The following PTK2 variants were observed in gnomAD, a reference collection of about 807,000 sequenced individuals.
PTK2 encodes focal adhesion kinase 1.
A neutral mutation model predicts 150.1 loss-of-function variants in PTK2; 45 were observed. The ratio of observed to expected loss-of-function variants is 0.30; its 90% confidence interval spans 0.24 to 0.38. PTK2 has a LOEUF of 0.38. Among genes scored for constraint, PTK2 ranks in the 10% least tolerant of loss-of-function variants. The pLI is 1.00. For missense variants in PTK2, 919 were observed against 1,307.3 expected (o/e 0.70, Z 4.58); for synonymous variants, 432 against 449.2 (o/e 0.96, Z 0.48).
intron 14 of PTK2, among the ~76,000 whole-genome samples, chr8:140,769,004 T>C (rs1049185950): frequency 1.3e-5 from 2 of 152,298 alleles, no homozygotes; most frequent in South Asian, 4.1e-4. Context: ...GAGGATAAAG[T>C]TTCATGCAAG....
intron 8 of PTK2, among the ~76,000 whole-genome samples, chr8:140,830,115 T>C (rs995777983): frequency 2.0e-5 from 3 of 151,644 alleles, no homozygotes; most frequent in African/African-American, 7.3e-5. Context: ...ACACACAATA[T>C]TAATGATTCC....
chr8:140,924,531 G>A (rs990800993), intron 2 of PTK2, among the ~76,000 whole-genome samples: 5 of 152,096 alleles, frequency 3.3e-5, no homozygotes, highest in African/African-American at 4.8e-5. Context: ...ATGAGAAGAC[G>A]GCAAAGAGAA....
chr8:140,841,971 T>C (rs1327335112), intron 7 of PTK2, among the ~76,000 whole-genome samples: 1 of 152,082 alleles, frequency 6.6e-6, no homozygotes, highest in Non-Finnish European at 1.5e-5. Flanking sequence ...GTATGTAGCA[T>C]TATATACTCA....
At chr8:140,879,209 C>T (rs369492197) in intron 4 of PTK2, 5 of 314,692 alleles carry the variant, frequency 1.6e-5, no homozygotes, top group East Asian at 6.0e-5. Context: ...AACAAAGTAG[C>T]ACTGATGAGA....
intron 11 of PTK2, among the ~76,000 whole-genome samples, chr8:140,801,640 G>A (rs959558684): frequency 6.6e-5 from 10 of 152,054 alleles, no homozygotes; most frequent in Non-Finnish European, 1.3e-4. Flanking sequence ...AAGAACCACA[G>A]GTAGCATGTG....
At chr8:140,958,064 AT>A (rs1211713867) in intron 1 of PTK2, among the ~76,000 whole-genome samples, 1 of 152,134 alleles carries the variant, frequency 6.6e-6, no homozygotes, top group South Asian at 2.1e-4. Flanking sequence ...CATGTTACAT[AT>A]TTTTTATGCA....
intron 7 of PTK2, among the ~76,000 whole-genome samples, chr8:140,831,190 G>A (rs902514227): frequency 6.6e-6 from 1 of 152,110 alleles, no homozygotes; most frequent in African/African-American, 2.4e-5. Context: ...GAACCTCAAC[G>A]CTCTGGCCAA....
At chr8:140,984,759 G>T (rs922593062) in intron 1 of PTK2, among the ~76,000 whole-genome samples, 3 of 151,760 alleles carry the variant, frequency 2.0e-5, no homozygotes, top group Non-Finnish European at 4.4e-5. Context: ...CATCTTTACC[G>T]CCCCTCTTGT....
chr8:140,697,416 T>TTGTGTGTG (rs34459077), intron 26 of PTK2, among the ~76,000 whole-genome samples: 62 of 145,814 alleles, frequency 4.3e-4, no homozygotes, highest in African/African-American at 8.6e-4. Context: ...AGAATACGGT[T>TTGTGTGTG]TGTGTGTGTG....
chr8:140,922,850 A>C (rs1033862668), intron 2 of PTK2, among the ~76,000 whole-genome samples: 2 of 152,198 alleles, frequency 1.3e-5, no homozygotes, highest in Non-Finnish European at 2.9e-5. Context: ...TTCACACCAC[A>C]GCACACCACC....
intron 10 of PTK2, among the ~76,000 whole-genome samples, chr8:140,811,558 G>A (rs2154601133): frequency 6.6e-6 from 1 of 152,164 alleles, no homozygotes; most frequent in East Asian, 1.9e-4. Context: ...GTTCTGAACT[G>A]GGTTGAGATG....
intron 8 of PTK2, among the ~76,000 whole-genome samples, chr8:140,827,183 A>T (rs2100112274): frequency 6.6e-6 from 1 of 151,380 alleles, no homozygotes; most frequent in African/African-American, 2.4e-5. Context: ...ATCCCCCTCA[A>T]CTCCTACCTC....
chr8:140,935,702 C>CTTTTTTTTTTTTTT (rs34554819), intron 1 of PTK2, among the ~76,000 whole-genome samples: 11 of 123,864 alleles, frequency 8.9e-5, no homozygotes, highest in South Asian at 2.7e-4. Context: ...ATGTCCTCAT[C>CTTTTTTTTTTTTTT]TTTTTTTTTT....
chr8:140,940,379 A>G (rs1454151129), intron 1 of PTK2, among the ~76,000 whole-genome samples: 1 of 152,122 alleles, frequency 6.6e-6, no homozygotes, highest in East Asian at 1.9e-4. Flanking sequence ...AACCCGGGAA[A>G]CGGAGCTTGC....
At chr8:140,687,574 C>G (rs1007082448) in intron 26 of PTK2, among the ~76,000 whole-genome samples, 1 of 152,218 alleles carries the variant, frequency 6.6e-6, no homozygotes, top group South Asian at 2.1e-4. Context: ...CACACCTGAG[C>G]CTGCCACTGA....
chr8:140,877,863 CTAAGAGATT>C (rs2100146633), intron 4 of PTK2, among the ~76,000 whole-genome samples: 1 of 152,078 alleles, frequency 6.6e-6, no homozygotes, highest in Non-Finnish European at 1.5e-5. Context: ...CAACAATCTA[CTAAGAGATT>C]TAGATTCAAT....
At chr8:140,955,542 T>C (rs1285080163) in intron 1 of PTK2, among the ~76,000 whole-genome samples, 1 of 151,984 alleles carries the variant, frequency 6.6e-6, no homozygotes, top group Admixed American at 6.5e-5. Context: ...ATTAAAAAGA[T>C]AAATTTAAAA....
chr8:140,864,858 T>C (rs1385718670), intron 4 of PTK2, among the ~76,000 whole-genome samples: 1 of 152,254 alleles, frequency 6.6e-6, no homozygotes, highest in Non-Finnish European at 1.5e-5. Context: ...TTTATGTGTA[T>C]GTGTGGCTCT....
chr8:140,899,377 T>A (rs1488609347), intron 2 of PTK2, among the ~76,000 whole-genome samples: 1 of 152,244 alleles, frequency 6.6e-6, no homozygotes, highest in Non-Finnish European at 1.5e-5. Flanking sequence ...TTACAGAGAC[T>A]ATTGTGAACA....
Sources: gnomAD v4.1 joint callset for allele counts (sites outside exome capture counted in the v4.1 genomes callset) on GRCh38, gnomAD v4.1.1 for gene constraint, MANE v1.5 for transcripts, NCBI Gene and HGNC (gene_info 2026-07-23, HGNC 2026-07-21) for gene names.